Variants in FMNL3 observed in about 807,000 individuals in gnomAD.
FMNL3 encodes formin-like protein 3.
A neutral mutation model predicts 119.6 loss-of-function variants in FMNL3; 57 were observed. The observed-to-expected ratio is 0.48, with a 90% confidence interval of 0.39 to 0.59. FMNL3 has a LOEUF of 0.59. Ranked by LOEUF, FMNL3 falls within the 20% of genes least tolerant of loss-of-function variation. The pLI, the probability that FMNL3 is intolerant of heterozygous loss-of-function variation, is 0.00. For synonymous variants in FMNL3, 491 were observed against 507.3 expected (o/e 0.97, Z 0.43); for missense variants, 1,053 against 1,323.5 (o/e 0.80, Z 3.17).
At position 49,653,301 on chromosome 12, in the gene FMNL3, C is replaced by A. The variant is rs1943465850; in HGVS notation, c.1248G>T (p.Glu416Asp). 6.2e-7 allele frequency: 1 copy of A among 1,614,116 alleles called. No homozygotes were observed. ...CTGCCACCCGCATCATGTTTTCATT[C>A]TCTAGGTCCAGAAGCTTCTCTGTGA... The part of the protein sequence containing the change: ...SHLTEKLLDL[E>D]NENMMRVAEL... The change falls in exon 13 of 26, where the codon GAG (glutamate) becomes GAT (aspartate). Residue 416 changes from glutamate (E) to aspartate (D), a missense_variant. Physicochemically the swap from Glu to Asp is conservative, Grantham distance 45. Transcript: ENST00000335154.
intron 9 of FMNL3, among the ~76,000 whole-genome samples, chr12:49,655,959 C>T (rs1050766096): frequency 2.0e-5 from 3 of 152,258 alleles, no homozygotes; most frequent in South Asian, 4.1e-4. Context: ...CAGGAGACAT[C>T]CTTGCTTACC....
chr12:49,679,926 C>T (rs1944293236), intron 1 of FMNL3, among the ~76,000 whole-genome samples: 1 of 152,250 alleles, frequency 6.6e-6, no homozygotes, highest in Non-Finnish European at 1.5e-5. Context: ...AGCTTATAAA[C>T]ATCTACTCTG....
chr12:49,662,445 T>TGACCGAAGCCAGCAA (rs1290122227), intron 4 of FMNL3, among the ~76,000 whole-genome samples: 1 of 152,170 alleles, frequency 6.6e-6, no homozygotes, highest in Non-Finnish European at 1.5e-5. Flanking sequence ...GAGTTGTGCT[T>TGACCGAAGCCAGCAA]GACCGAAGCC....
chr12:49,693,220 T>C (rs1944653510), intron 1 of FMNL3, among the ~76,000 whole-genome samples: 1 of 152,044 alleles, frequency 6.6e-6, no homozygotes, highest in African/African-American at 2.4e-5. Context: ...AAGATGGAGA[T>C]AGGGATAAGA....
At chr12:49,655,158 G>A (rs185758379) in intron 9 of FMNL3, among the ~76,000 whole-genome samples, 174 bp from the exon 10 acceptor site, 105 of 152,274 alleles carry the variant, frequency 6.9e-4, no homozygotes, top group African/African-American at 2.4e-3. Context: ...GGGGCCAGGC[G>A]CGGTGGCTCA....
Position 49,661,220 on chromosome 12 carries a change from C to T in FMNL3, c.452+746G>A, listed in dbSNP as rs1349512522. Among the ~76,000 whole-genome samples, 2 of 152,134 alleles carry T rather than the reference C, an allele frequency of 1.3e-5. 1 individual carries two copies. Among genetic ancestry groups the T allele is most frequent in the Non-Finnish European group, 2.9e-5 (2 of 68,028 alleles). On this transcript the variant is annotated intron_variant, in intron 5 of 25. Transcript: ENST00000335154. ...TAGATCTGCTACCACAATACAGACCCGGTATGTTCCAAATAATACTAAGTG... is the reference window on the plus strand; with the variant it reads ...TAGATCTGCTACCACAATACAGACCTGGTATGTTCCAAATAATACTAAGTG...
chr12:49,696,411 A>G (rs928544976), intron 1 of FMNL3, among the ~76,000 whole-genome samples: 2 of 152,044 alleles, frequency 1.3e-5, no homozygotes, highest in Middle Eastern at 3.2e-3. Context: ...AATTCTTACT[A>G]CTCAATTCTC....
At chr12:49,700,443 A>G (rs547977541) in intron 1 of FMNL3, among the ~76,000 whole-genome samples, 20 of 147,938 alleles carry the variant, frequency 1.4e-4, no homozygotes, top group African/African-American at 4.2e-4. Flanking sequence ...CGCTGGACGC[A>G]GTGGCTCATG....
intron 1 of FMNL3, among the ~76,000 whole-genome samples, chr12:49,682,144 C>T (rs1285235553): frequency 6.6e-6 from 1 of 151,046 alleles, no homozygotes; most frequent in East Asian, 1.9e-4. Context: ...GATCTTGGCT[C>T]ACTGCAAGCT....
At chr12:49,688,509 C>T (rs1288880710) in intron 1 of FMNL3, 1 of 456,062 alleles carries the variant, frequency 2.2e-6, no homozygotes, top group Non-Finnish European at 4.4e-6. Context: ...TCTTGCAGTT[C>T]CTCAAATGTG....
chr12:49,688,309 C>CA (rs763225808), intron 1 of FMNL3: 1 of 427,268 alleles, frequency 2.3e-6, no homozygotes, highest in Non-Finnish European at 4.7e-6. Flanking sequence ...ATAAGGGAGA[C>CA]AGATTCCAGG....
chr12:49,651,157 G>A lies in FMNL3; in HGVS notation c.1797+11C>T. On this transcript the variant is annotated intron_variant, in intron 16 of 25. Coordinates refer to ENST00000335154, the MANE Select transcript of FMNL3 (RefSeq NM_175736.5). ...CTCAACCTTAGCCCTCTGGACCCCA[G>A]GCCCTGTTACCTCCAAGATCTTCTC... 1.2e-6 allele frequency: 2 copies of A among 1,611,836 alleles called. No individual in the cohort carries two copies. The highest frequency in any genetic ancestry group is 1.3e-5 in the African/African-American group (1 of 75,002).
In FMNL3 at chr12:49,707,100, C is replaced by T; in HGVS notation, c.81G>A (p.Pro27=). The T allele has an allele frequency of 6.2e-7, 1 of 1,601,702 alleles. No homozygotes were observed. Among genetic ancestry groups the T allele is most frequent in the Non-Finnish European group, 8.5e-7 (1 of 1,175,274 alleles). ...VPLLLPPGKM[P]MPEPCELEER... ...CCTCCAGCTCACAGGGCTCAGGCAT[C>T]GGCATCTTGCCGGGCGGCAGCAACA... Residue 27 remains proline (P), a synonymous_variant, in exon 1 of 26, where the codon CCG becomes CCA. Coordinates refer to ENST00000335154, the MANE Select transcript of FMNL3 (RefSeq NM_175736.5).
At position 49,664,141 on chromosome 12, in the gene FMNL3, G is replaced by A. The variant is rs555780010; in HGVS notation, c.368+1691C>T. Among the ~76,000 whole-genome samples, 12 of 152,318 alleles carry A rather than the reference G, an allele frequency of 7.9e-5. No individual in the cohort carries two copies. The South Asian group carries it at 8.3e-4, about 11-fold the overall frequency. ...TACACGCCTGTAGTCCCAGCTATTC[G>A]GAAGGCAGAGGCAGAATGGCTTGAG... On this transcript the variant is annotated intron_variant, in intron 4 of 25. Transcript: ENST00000335154.
intron 1 of FMNL3, among the ~76,000 whole-genome samples, chr12:49,678,084 G>C (rs1292458604): frequency 6.6e-6 from 1 of 151,828 alleles, no homozygotes; most frequent in African/African-American, 2.4e-5. Flanking sequence ...GGATGGTCTC[G>C]ATCTCCTGAC....
In FMNL3 at chr12:49,639,080, G is replaced by A. The variant is rs1303080286; in HGVS notation, c.*6735C>T. On this transcript the variant is annotated 3_prime_UTR_variant, in exon 26 of 26. Coordinates refer to ENST00000335154, the MANE Select transcript of FMNL3 (RefSeq NM_175736.5). ...CCACATGCCCCAGCTTGGAAGTAGA[G>A]CCCTGCATGTAAAGTGCCTTGAATG... 6.6e-6 allele frequency: 1 copy of A among 152,168 alleles called. No individual in the cohort carries two copies. The highest frequency in any genetic ancestry group is 1.5e-5 in the Non-Finnish European group (1 of 68,036). 9.4% of individuals were successfully genotyped at this position (152,168 alleles called of 1,614,324 possible). A position where few individuals can be genotyped will look rare whatever the true frequency, so the allele number is the denominator to read the frequency against.
intron 1 of FMNL3, among the ~76,000 whole-genome samples, chr12:49,699,229 C>T (rs1944837099): frequency 6.6e-6 from 1 of 152,202 alleles, no homozygotes; most frequent in African/African-American, 2.4e-5. Flanking sequence ...ACTGCTGTCC[C>T]ATGGGCTTAC....
chr12:49,650,942 GC>G, intron 16 of FMNL3, 64 bp from the exon 17 acceptor site: 1 of 1,575,112 alleles, frequency 6.3e-7, no homozygotes, highest in Non-Finnish European at 8.7e-7. Context: ...CCTCATGACA[GC>G]CCACCCAGCA....
Position 49,649,831 on chromosome 12 carries a change from G to A in FMNL3, c.2095C>T (p.Arg699Trp), listed in dbSNP as rs200453321. 5.5e-5 allele frequency: 88 copies of A among 1,614,164 alleles called. No homozygotes were observed. The African/African-American group carries it at 5.5e-4, about 10-fold the overall frequency. Residue 699 changes from arginine (R) to tryptophan (W), a missense_variant, in exon 18 of 26, where the codon CGG (arginine) becomes TGG (tryptophan). Arg to Trp is a moderately radical substitution (Grantham distance 101). Around this residue, in one of 4 missense-constraint regions of FMNL3, gnomAD observed 445 missense variants for 628.4 expected, o/e 0.71. Coordinates refer to ENST00000335154, the MANE Select transcript of FMNL3 (RefSeq NM_175736.5). The surrounding 1 kb of genome is among the most constrained non-coding windows in gnomAD (Gnocchi z 5.6). ...AEVKLLRQYE[R>W]ERQPLEELAA... ...AACTCCTCCAGGGGCTGCCGCTCCC[G>A]CTCATATTGCCGCAGCAGCTTTACC...
Sources: allele counts gnomAD v4.1 joint callset (sites outside exome capture counted in the v4.1 genomes callset), GRCh38; gene constraint gnomAD v4.1.1; regional missense constraint gnomAD v4.1.1; non-coding constraint Gnocchi (gnomAD v3.1); transcripts MANE v1.5; gene names NCBI Gene and HGNC (gene_info 2026-07-23, HGNC 2026-07-21).